The following NAV2 variants were observed in gnomAD, a reference collection of about 807,000 sequenced individuals.
The protein encoded by NAV2 is helicase, APC down-regulated 1.
A neutral mutation model predicts 223.2 loss-of-function variants in NAV2; 54 were observed. The observed-to-expected ratio is 0.24, with a 90% CI of 0.19 to 0.30. NAV2 has a LOEUF of 0.30. Among genes scored for constraint, NAV2 ranks in the 10% least tolerant of loss-of-function variants. The pLI, the probability that NAV2 is intolerant of heterozygous loss-of-function variation, is 1.00. For synonymous variants in NAV2, 1,279 were observed against 1,239.3 expected (o/e 1.03, Z -0.67); for missense variants, 2,806 against 3,147.5 (o/e 0.89, Z 2.60).
At chr11:20,035,358 T>C (rs1016640984) in intron 11 of NAV2, among the ~76,000 whole-genome samples, 16 of 152,176 alleles carry the variant, frequency 1.1e-4, no homozygotes, top group Admixed American at 9.2e-4. Context: ...CTTAGGCAGC[T>C]TGGGACTGAC....
At chr11:19,953,467 G>C (rs569625007) in intron 10 of NAV2, among the ~76,000 whole-genome samples, 1 of 149,332 alleles carries the variant, frequency 6.7e-6, no homozygotes, top group African/African-American at 2.4e-5. Flanking sequence ...TCTGGTTCCT[G>C]CATTTGCAAA....
intron 1 of NAV2, among the ~76,000 whole-genome samples, chr11:19,698,939 G>A (rs2049427599): frequency 6.6e-6 from 1 of 152,144 alleles, no homozygotes; most frequent in Admixed American, 6.5e-5. Flanking sequence ...TGAACTCCAG[G>A]ACATTATGAC....
intron 1 of NAV2, among the ~76,000 whole-genome samples, chr11:19,459,679 G>A (rs1852085885): frequency 1.3e-5 from 2 of 152,228 alleles, no homozygotes; most frequent in African/African-American, 2.4e-5. Flanking sequence ...TATGATGGTT[G>A]TGTGGAGGTG....
Position 19,998,990 on chromosome 11 carries a change from C to T in NAV2, c.2768+14743C>T, listed in dbSNP as rs80010955. ...GAATCCCCTCTCCCAGCACAGGGCC[C>T]GTCCAGAGAGGGTGCTTATTACATA... On this transcript the variant is annotated intron_variant, in intron 11 of 37. Coordinates refer to ENST00000349880, the MANE Select transcript of NAV2 (RefSeq NM_145117.5). The surrounding 1 kb of genome is among the most constrained non-coding windows in gnomAD (Gnocchi z 5.0). Among the ~76,000 whole-genome samples the T allele has an allele frequency of 0.055, 8,370 of 152,252 alleles. 755 individuals carry two copies. Among genetic ancestry groups the T allele is most frequent in the African/African-American group, 0.19 (7,839 of 41,500 alleles).
chr11:19,649,866 C>A (rs945368950), intron 1 of NAV2, among the ~76,000 whole-genome samples: 1 of 152,062 alleles, frequency 6.6e-6, no homozygotes, highest in Non-Finnish European at 1.5e-5. Context: ...GCCAGGGAAA[C>A]GCAAAGAAAA....
chr11:19,433,541 A>G (rs1363613927), intron 1 of NAV2, among the ~76,000 whole-genome samples: 5 of 152,254 alleles, frequency 3.3e-5, no homozygotes, highest in Non-Finnish European at 7.3e-5. Flanking sequence ...GGAAGGAGGC[A>G]AAAACAAATC....
chr11:19,566,826 A>G (rs1433430645), intron 1 of NAV2, among the ~76,000 whole-genome samples: 2 of 152,210 alleles, frequency 1.3e-5, no homozygotes, highest in African/African-American at 4.8e-5. Flanking sequence ...TAACTGGCCC[A>G]TGGTCACCAA....
intron 1 of NAV2, among the ~76,000 whole-genome samples, chr11:19,763,336 C>T (rs1470553512): frequency 2.0e-5 from 3 of 152,228 alleles, no homozygotes; most frequent in African/African-American, 7.2e-5. Context: ...TGCAAGAATT[C>T]TGGCAGATGA....
intron 1 of NAV2, among the ~76,000 whole-genome samples, chr11:19,809,799 A>C (rs947204308): frequency 6.6e-6 from 1 of 152,188 alleles, no homozygotes; most frequent in South Asian, 2.1e-4. Flanking sequence ...TTGCCCCCCA[A>C]TTGGGATTTG....
intron 1 of NAV2, among the ~76,000 whole-genome samples, chr11:19,612,093 G>C (rs1343035867): frequency 1.3e-5 from 2 of 152,216 alleles, no homozygotes; most frequent in Non-Finnish European, 2.9e-5. Flanking sequence ...CCAAGGCTTG[G>C]AGCTTCCACC....
intron 1 of NAV2, among the ~76,000 whole-genome samples, chr11:19,734,566 A>G (rs932359844): frequency 6.6e-6 from 1 of 152,252 alleles, no homozygotes; most frequent in African/African-American, 2.4e-5. Flanking sequence ...ATTCGTTGCC[A>G]ACACTGGATT....
At chr11:19,821,281 A>G (rs2059368602) in intron 1 of NAV2, among the ~76,000 whole-genome samples, 3 of 137,086 alleles carry the variant, frequency 2.2e-5, no homozygotes, top group African/African-American at 8.4e-5. Flanking sequence ...AAAAAAAAAA[A>G]AGAGGAAGCT....
chr11:19,359,844 T>C (rs1702476799), intron 1 of NAV2, among the ~76,000 whole-genome samples: 1 of 152,216 alleles, frequency 6.6e-6, no homozygotes, highest in South Asian at 2.1e-4. Context: ...CTTCTCTGCC[T>C]GTCTTGGTTC....
chr11:19,441,737 C>A (rs1851410386), intron 1 of NAV2, among the ~76,000 whole-genome samples: 1 of 152,136 alleles, frequency 6.6e-6, no homozygotes, highest in Non-Finnish European at 1.5e-5. Context: ...TTGCAGCAGA[C>A]AATTTATCGG....
chr11:19,944,327 G>A (rs1409529362), intron 8 of NAV2, among the ~76,000 whole-genome samples: 1 of 152,240 alleles, frequency 6.6e-6, no homozygotes, highest in African/African-American at 2.4e-5. Flanking sequence ...ATGCTGCTCA[G>A]CCAAGTGTCT....
At chr11:20,030,758 G>T (rs974532805) in intron 11 of NAV2, among the ~76,000 whole-genome samples, 10 of 152,136 alleles carry the variant, frequency 6.6e-5, no homozygotes, top group Non-Finnish European at 1.2e-4. Flanking sequence ...TTTTCATAAA[G>T]ATTTCAATTC....
chr11:19,741,055 C>T (rs941967021), intron 1 of NAV2, among the ~76,000 whole-genome samples: 2 of 152,180 alleles, frequency 1.3e-5, no homozygotes, highest in Non-Finnish European at 1.5e-5. Flanking sequence ...GCAATGGCAC[C>T]ATTTTCAAAG....
intron 1 of NAV2, among the ~76,000 whole-genome samples, chr11:19,590,940 C>G (rs1342236018): frequency 6.6e-6 from 1 of 152,166 alleles, no homozygotes; most frequent in East Asian, 1.9e-4. Context: ...TCTTTTGTCT[C>G]CACTTCAATA....
intron 1 of NAV2, among the ~76,000 whole-genome samples, chr11:19,554,568 T>C (rs967706746): frequency 5.3e-5 from 8 of 152,238 alleles, no homozygotes; most frequent in African/African-American, 1.9e-4. Flanking sequence ...AGCTCTGCTG[T>C]TTGTGGGCTT....
Sources: gnomAD v4.1 joint callset for allele counts (sites outside exome capture counted in the v4.1 genomes callset) on GRCh38, gnomAD v4.1.1 for gene constraint, Gnocchi (gnomAD v3.1) non-coding constraint, MANE v1.5 for transcripts, NCBI Gene and HGNC (gene_info 2026-07-23, HGNC 2026-07-21) for gene names.